CTNNA2: variants seen among roughly 807,000 people sequenced by gnomAD.
CTNNA2 encodes the protein catenin alpha 2.
Under a neutral mutation model 101.0 loss-of-function variants are expected in CTNNA2, and 42 were observed. The observed-to-expected ratio is 0.42, with a 90% CI of 0.32 to 0.54. The LOEUF (loss-of-function observed/expected upper bound fraction) is 0.54. Among genes scored for constraint, CTNNA2 ranks in the 20% least tolerant of loss-of-function variants. The pLI, the probability that CTNNA2 is intolerant of heterozygous loss-of-function variation, is 0.14. For synonymous variants in CTNNA2, 450 were observed against 456.4 expected, an observed-to-expected ratio of 0.99 and a Z score of 0.18; for missense variants, 871 against 1,223.1, an observed-to-expected ratio of 0.71 and a Z score of 4.29.
intron 7 of CTNNA2, among the ~76,000 whole-genome samples, chr2:80,231,667 G>C (rs1427217483): frequency 6.6e-6 from 1 of 152,112 alleles, no homozygotes; most frequent in Non-Finnish European, 1.5e-5. Flanking sequence ...TGACAAAAGA[G>C]GCTCTTTGTG....
At chr2:79,534,903 A>T (rs1023219801) in intron 1 of CTNNA2, among the ~76,000 whole-genome samples, 13 of 143,290 alleles carry the variant, frequency 9.1e-5, no homozygotes, top group East Asian at 4.4e-4. Flanking sequence ...AAGAAGGGTG[A>T]AAAAAAAAAA....
chr2:80,256,406 G>T (rs1006372003), intron 7 of CTNNA2, among the ~76,000 whole-genome samples: 1 of 152,060 alleles, frequency 6.6e-6, no homozygotes, highest in East Asian at 1.9e-4. Flanking sequence ...GACAGCTGCG[G>T]CACATCTGAA....
intron 6 of CTNNA2, among the ~76,000 whole-genome samples, chr2:79,901,900 A>C (rs1040621666): frequency 1.3e-5 from 2 of 152,218 alleles, no homozygotes; most frequent in African/African-American, 2.4e-5. Context: ...ATTACAGCTG[A>C]GTACAATTAG....
intron 1 of CTNNA2, among the ~76,000 whole-genome samples, chr2:79,619,101 G>T (rs1231082216): frequency 6.6e-6 from 1 of 152,252 alleles, no homozygotes; most frequent in Non-Finnish European, 1.5e-5. Flanking sequence ...AGCTAGTTGG[G>T]AGGCTGAGGC....
rs144701302 is a variant in CTNNA2, at chr2:79,978,408, A to C, written c.1056+68611A>C. Among the ~76,000 whole-genome samples, 23 of 152,162 alleles carry C rather than the reference A, an allele frequency of 1.5e-4. No individual in the cohort carries two copies. In the East Asian group the frequency reaches 3.5e-3, roughly 23 times the overall value. ...TCATCTCTGGCAGTTAGAAGTTTGCATCTAACCTGTGCTGTGAGAACTAAA... is the reference window on the plus strand; with the variant it reads ...TCATCTCTGGCAGTTAGAAGTTTGCCTCTAACCTGTGCTGTGAGAACTAAA... On this transcript the variant is annotated intron_variant, in intron 7 of 18. Coordinates refer to ENST00000402739, the MANE Select transcript of CTNNA2 (RefSeq NM_001282597.3).
At chr2:80,362,267 CTTAT>C (rs1674486710) in intron 7 of CTNNA2, among the ~76,000 whole-genome samples, 1 of 152,014 alleles carries the variant, frequency 6.6e-6, no homozygotes, top group African/African-American at 2.4e-5. Flanking sequence ...TGGCAAGAGG[CTTAT>C]TTAACTTTGA....
At chr2:79,484,498 T>A (rs1435528985) in intron 4 of CTNNA2, among the ~76,000 whole-genome samples, 1 of 151,692 alleles carries the variant, frequency 6.6e-6, no homozygotes, top group African/African-American at 2.4e-5. Flanking sequence ...TAGGTAAAAA[T>A]TTAATTTAAT....
chr2:80,018,389 A>G (rs1694298093), intron 7 of CTNNA2, among the ~76,000 whole-genome samples: 1 of 152,200 alleles, frequency 6.6e-6, no homozygotes, highest in Non-Finnish European at 1.5e-5. Flanking sequence ...TAGATCAGGA[A>G]GGTTGATTTT....
chr2:80,457,086 G>A (rs958854062), intron 9 of CTNNA2, among the ~76,000 whole-genome samples: 3 of 150,676 alleles, frequency 2.0e-5, no homozygotes, highest in Non-Finnish European at 1.5e-5. Flanking sequence ...AATTTTACAT[G>A]TTTTTTTTTG....
At chr2:80,552,492 C>T (rs1692656021) in intron 11 of CTNNA2, among the ~76,000 whole-genome samples, 1 of 152,154 alleles carries the variant, frequency 6.6e-6, no homozygotes, top group Admixed American at 6.5e-5. Context: ...GAAACTGTGA[C>T]TCATTTTTTC....
chr2:80,018,674 G>T (rs111982249), intron 7 of CTNNA2, among the ~76,000 whole-genome samples: 1 of 151,856 alleles, frequency 6.6e-6, no homozygotes, highest in South Asian at 2.1e-4. Context: ...CCAGCTACTC[G>T]GGAGGCTGAG....
rs962361416 is a variant in CTNNA2, at chr2:80,279,090, CAGAG to C, written c.1057-114107_1057-114104del. 4.2e-3 allele frequency among the ~76,000 whole-genome samples: 251 copies of C among 60,320 alleles called. 1 individual carries two copies. The highest frequency in any genetic ancestry group is 0.015 in the Middle Eastern group (2 of 134). 39.6% of individuals were successfully genotyped at this position (60,320 alleles called of 152,430 possible). On this transcript the variant is annotated intron_variant, in intron 7 of 18. Coordinates refer to ENST00000402739, the MANE Select transcript of CTNNA2 (RefSeq NM_001282597.3). ...TGTGTGTGTGTGTGTGTGTGTGAAA[CAGAG>C]AGAGAGAGAGAGAAGTGAAGAAATG... is the stretch of plus-strand genomic sequence containing the variant.
chr2:79,869,966 A>G (rs1416093693), intron 5 of CTNNA2, 31 bp downstream of exon 5: 1 of 1,609,510 alleles, frequency 6.2e-7, no homozygotes, highest in Non-Finnish European at 8.5e-7. Context: ...GCTAGGGGAG[A>G]AAATGGGTGA....
intron 9 of CTNNA2, among the ~76,000 whole-genome samples, chr2:80,458,956 TA>T (rs1183470171): frequency 5.3e-5 from 8 of 152,038 alleles, no homozygotes; most frequent in South Asian, 4.1e-4. Context: ...GATGTACAAT[TA>T]AAAAAATATT....
At position 80,343,407 on chromosome 2, in the gene CTNNA2, T is replaced by TAA. The variant is rs3040539; in HGVS notation, c.1057-49788_1057-49787dup. Among the ~76,000 whole-genome samples the TAA allele has an allele frequency of 6.9e-4, 81 of 117,522 alleles. No homozygotes were observed. The East Asian group carries it at 0.013, about 19-fold the overall frequency. 77.1% of individuals were successfully genotyped at this position (117,522 alleles called of 152,430 possible). ...TCATTTTCCATCTGGTGACTTTTGA[T>TAA]AAAAAAAAAAAAAAAAACACATAAA... On this transcript the variant is annotated intron_variant, in intron 7 of 18. Coordinates refer to ENST00000402739, the MANE Select transcript of CTNNA2 (RefSeq NM_001282597.3).
Position 80,020,221 on chromosome 2 carries a change from A to G in CTNNA2, c.1056+110424A>G, listed in dbSNP as rs61465652. 1.9e-3 allele frequency among the ~76,000 whole-genome samples: 296 copies of G among 152,336 alleles called. 1 individual carries two copies. The highest frequency in any genetic ancestry group is 6.7e-3 in the African/African-American group (277 of 41,574). The stretch of plus-strand genomic sequence containing the variant: ...AAGCAGCAATGTTAAGTAATTTGCA[A>G]AAGACCAAGGGGAAGTGAATGAGGA... On this transcript the variant is annotated intron_variant, in intron 7 of 18. Transcript: ENST00000402739.
rs188377891 is a variant in CTNNA2 at position 80,219,768 on chromosome 2, G to T, written c.1057-173443G>T. On this transcript the variant is annotated intron_variant, in intron 7 of 18. Coordinates refer to ENST00000402739, the MANE Select transcript of CTNNA2 (RefSeq NM_001282597.3). ...AAACCTCAATTTTGTGTCCATTATT[G>T]ATTCATATTTCTAGCCCTCTTGCTT... Among the ~76,000 whole-genome samples, 811 of 152,126 alleles carry T rather than the reference G, an allele frequency of 5.3e-3. 7 individuals carry two copies. The highest frequency in any genetic ancestry group is 0.018 in the African/African-American group (749 of 41,504).
At chr2:80,073,177 C>T (rs540586273) in intron 7 of CTNNA2, among the ~76,000 whole-genome samples, 11 of 152,128 alleles carry the variant, frequency 7.2e-5, no homozygotes, top group African/African-American at 1.7e-4. Context: ...AAGGAGATGC[C>T]GGGTGGCATT....
intron 7 of CTNNA2, among the ~76,000 whole-genome samples, chr2:80,272,774 T>G (rs1219492041): frequency 6.6e-6 from 1 of 152,246 alleles, no homozygotes; most frequent in Non-Finnish European, 1.5e-5. Flanking sequence ...AAAAATAATT[T>G]ATCTTTTATC....
Sources: gnomAD v4.1 joint callset for allele counts (sites outside exome capture counted in the v4.1 genomes callset) on GRCh38, gnomAD v4.1.1 for gene constraint, MANE v1.5 for transcripts, NCBI Gene and HGNC (gene_info 2026-07-23, HGNC 2026-07-21) for gene names.